The following GPC5 variants were observed in gnomAD, a reference collection of about 807,000 sequenced individuals.
GPC5 encodes the protein glypican-5.
A neutral mutation model predicts 53.9 loss-of-function variants in GPC5; 47 were observed. The observed-to-expected ratio is 0.87, with a 90% CI of 0.69 to 1.11. The LOEUF is 1.11. Ranked by LOEUF, GPC5 falls within the 50% of genes most tolerant of loss-of-function variation. The pLI is 0.00. For synonymous variants in GPC5, 286 were observed against 263.3 expected (o/e 1.09, Z -0.84); for missense variants, 748 against 713.1 (o/e 1.05, Z -0.56).
chr13:92,387,510 G>T (rs1401887657), intron 7 of GPC5, among the ~76,000 whole-genome samples: 1 of 152,054 alleles, frequency 6.6e-6, no homozygotes, highest in Admixed American at 6.6e-5. Flanking sequence ...AAGTTGTACA[G>T]CCTCACAGAG....
chr13:92,602,300 GAAT>G (rs1456841819), intron 7 of GPC5, among the ~76,000 whole-genome samples: 1 of 140,858 alleles, frequency 7.1e-6, no homozygotes, highest in African/African-American at 2.6e-5. Flanking sequence ...ACTCTGTAAA[GAAT>G]AATTCCTGGT....
At chr13:91,787,327 T>C (rs2037895793) in intron 5 of GPC5, among the ~76,000 whole-genome samples, 1 of 152,192 alleles carries the variant, frequency 6.6e-6, no homozygotes, top group Admixed American at 6.5e-5. Flanking sequence ...ATGCCATATA[T>C]ATGGTCTCAT....
intron 2 of GPC5, 152 bp from the exon 3 acceptor site, chr13:91,693,035 A>G: frequency 1.6e-6 from 1 of 628,738 alleles, no homozygotes; most frequent in Non-Finnish European, 2.8e-6. Flanking sequence ...TCCGGTCATT[A>G]TCCTTGGAAA....
chr13:91,696,947 G>C (rs998987328), intron 3 of GPC5, among the ~76,000 whole-genome samples: 1 of 152,178 alleles, frequency 6.6e-6, no homozygotes, highest in Non-Finnish European at 1.5e-5. Flanking sequence ...CTAGCTCTGA[G>C]TTTACGCATT....
intron 7 of GPC5, among the ~76,000 whole-genome samples, chr13:92,527,109 A>G (rs199583520): frequency 0.019 from 96 of 5,066 alleles, 6 homozygotes; most frequent in African/African-American, 0.051. Flanking sequence ...AAGAAAGAAA[A>G]AAGAAAGAAA....
intron 7 of GPC5, among the ~76,000 whole-genome samples, chr13:92,418,724 T>C (rs896729481): frequency 2.2e-4 from 34 of 152,214 alleles, no homozygotes; most frequent in African/African-American, 8.0e-4. Flanking sequence ...TTGTTTTGTG[T>C]GCAAGAAAAT....
At position 91,805,168 on chromosome 13, in the gene GPC5, T is replaced by G. The variant is rs140284377; in HGVS notation, c.1280+48748T>G. Among the ~76,000 whole-genome samples, 568 of 152,280 alleles carry G rather than the reference T, an allele frequency of 3.7e-3. 1 individual carries two copies. The highest frequency in any genetic ancestry group is 0.017 in the Middle Eastern group (5 of 294). On this transcript the variant is annotated intron_variant, in intron 5 of 7. Coordinates refer to ENST00000377067, the MANE Select transcript of GPC5 (RefSeq NM_004466.6). ...GGTTGATGTTTTACTTTTAAACACA[T>G]TTTTAAAGAGTATAGCTTTACAAAC...
chr13:91,657,645 A>G (rs1196786597), intron 2 of GPC5, among the ~76,000 whole-genome samples: 2 of 152,140 alleles, frequency 1.3e-5, no homozygotes, highest in Non-Finnish European at 2.9e-5. Flanking sequence ...TAGAGAAGTG[A>G]GATGCTAAAC....
chr13:91,896,479 A>G (rs982019779), intron 5 of GPC5, among the ~76,000 whole-genome samples: 2 of 152,130 alleles, frequency 1.3e-5, no homozygotes, highest in Non-Finnish European at 2.9e-5. Flanking sequence ...CTTAGTACAG[A>G]TGACTGAGGA....
chr13:91,975,756 C>T (rs1382458294), intron 6 of GPC5, among the ~76,000 whole-genome samples: 1 of 152,276 alleles, frequency 6.6e-6, no homozygotes, highest in South Asian at 2.1e-4. Flanking sequence ...TTTGACCCAG[C>T]CATCCCATTA....
At chr13:92,406,828 T>C (rs897067482) in intron 7 of GPC5, among the ~76,000 whole-genome samples, 1 of 151,992 alleles carries the variant, frequency 6.6e-6, no homozygotes, top group Non-Finnish European at 1.5e-5. Flanking sequence ...TTGGAGAGAG[T>C]TCACCCTCCT....
intron 3 of GPC5, among the ~76,000 whole-genome samples, chr13:91,718,491 T>C (rs1039161200): frequency 6.6e-6 from 1 of 152,158 alleles, no homozygotes; most frequent in Non-Finnish European, 1.5e-5. Context: ...GTATTGATAT[T>C]GTAGTAGCTG....
intron 6 of GPC5, among the ~76,000 whole-genome samples, chr13:92,028,770 A>G (rs1368353450): frequency 6.6e-6 from 1 of 152,182 alleles, no homozygotes; most frequent in African/African-American, 2.4e-5. Flanking sequence ...TGGGAAAAAC[A>G]GAGCAAAATT....
chr13:91,999,493 G>T (rs973322784), intron 6 of GPC5, among the ~76,000 whole-genome samples: 2 of 152,052 alleles, frequency 1.3e-5, no homozygotes, highest in African/African-American at 4.8e-5. Flanking sequence ...TTCACATATT[G>T]ACTTTTCCCT....
At chr13:91,965,160 CA>C (rs2040169000) in intron 6 of GPC5, among the ~76,000 whole-genome samples, 1 of 151,710 alleles carries the variant, frequency 6.6e-6, no homozygotes, top group Non-Finnish European at 1.5e-5. Flanking sequence ...TGCAGCACAC[CA>C]ACATGGCAAA....
At chr13:92,285,929 A>G (rs2042950840) in intron 7 of GPC5, among the ~76,000 whole-genome samples, 1 of 152,118 alleles carries the variant, frequency 6.6e-6, no homozygotes, top group South Asian at 2.1e-4. Flanking sequence ...ACAGCAAAAA[A>G]AAACCTACCA....
chr13:91,799,335 G>A (rs1249088684), intron 5 of GPC5, among the ~76,000 whole-genome samples: 1 of 152,154 alleles, frequency 6.6e-6, no homozygotes, highest in Non-Finnish European at 1.5e-5. Flanking sequence ...CTACTAGAAG[G>A]AGAAGGGAGG....
chr13:91,451,323 C>G (rs1222868057), intron 2 of GPC5, among the ~76,000 whole-genome samples: 1 of 152,130 alleles, frequency 6.6e-6, no homozygotes, highest in Admixed American at 6.5e-5. Context: ...AGTATGGTCT[C>G]TTTCCTCATG....
At chr13:92,454,264 T>A (rs1878178424) in intron 7 of GPC5, among the ~76,000 whole-genome samples, 1 of 152,226 alleles carries the variant, frequency 6.6e-6, no homozygotes, top group African/African-American at 2.4e-5. Flanking sequence ...AATTCTCTCA[T>A]AAATGTGACT....
Sources: allele counts gnomAD v4.1 joint callset (sites outside exome capture counted in the v4.1 genomes callset), GRCh38; gene constraint gnomAD v4.1.1; transcripts MANE v1.5; gene names NCBI Gene and HGNC (gene_info 2026-07-23, HGNC 2026-07-21).